PREX2: variants seen among roughly 807,000 people sequenced by gnomAD.
PREX2 encodes phosphatidylinositol 3,4,5-trisphosphate-dependent Rac exchanger 2 protein.
In PREX2, 107 loss-of-function variants were observed where a neutral mutation model predicts 203.2. The observed-to-expected ratio is 0.53, with a 90% CI of 0.45 to 0.62. The LOEUF (loss-of-function observed/expected upper bound fraction) is 0.62. Ranked by LOEUF, PREX2 falls within the 20% of genes least tolerant of loss-of-function variation. The pLI is 0.00. For synonymous variants in PREX2, 672 were observed against 663.6 expected (o/e 1.01, Z -0.19); for missense variants, 1,777 against 1,955.9 (o/e 0.91, Z 1.72).
intron 19 of PREX2, among the ~76,000 whole-genome samples, chr8:68,089,887 T>A (rs1809815788): frequency 6.6e-6 from 1 of 152,208 alleles, no homozygotes. Context: ...GATCACACTA[T>A]CAAATAACAA....
At chr8:68,014,025 T>C (rs2129610073) in intron 1 of PREX2, among the ~76,000 whole-genome samples, 1 of 152,316 alleles carries the variant, frequency 6.6e-6, no homozygotes, top group South Asian at 2.1e-4. Flanking sequence ...CAAAAATATG[T>C]TGAAAGAGAT....
At position 67,973,207 on chromosome 8, in the gene PREX2, A is replaced by G. The variant is rs562155365; in HGVS notation, c.141+20672A>G. Among the ~76,000 whole-genome samples, 180 of 152,290 alleles carry G rather than the reference A, an allele frequency of 1.2e-3. 2 individuals carry two copies. The highest frequency in any genetic ancestry group is 3.9e-3 in the African/African-American group (164 of 41,578). The stretch of plus-strand genomic sequence containing the variant: ...GTATGGGCAGACTGATATCCGTCCA[A>G]CAAACATTCTCAGATTAATCTTCCT... On this transcript the variant is annotated intron_variant, in intron 1 of 39. Transcript: ENST00000288368.
chr8:67,978,089 G>A (rs1428054589), intron 1 of PREX2, among the ~76,000 whole-genome samples: 1 of 152,106 alleles, frequency 6.6e-6, no homozygotes, highest in Non-Finnish European at 1.5e-5. Context: ...TCTGAAGTGG[G>A]GGTTAGTCTT....
At chr8:68,224,267 T>C (rs916466894) in intron 38 of PREX2, among the ~76,000 whole-genome samples, 5 of 152,140 alleles carry the variant, frequency 3.3e-5, no homozygotes, top group African/African-American at 1.2e-4. Context: ...CCCTTCCACG[T>C]TGGCCCCTCA....
intron 8 of PREX2, among the ~76,000 whole-genome samples, chr8:68,049,667 T>A (rs1808464589): frequency 6.6e-6 from 1 of 152,268 alleles, no homozygotes; most frequent in South Asian, 2.1e-4. Flanking sequence ...AGAATGGCAA[T>A]TTAAAACCTA....
chr8:68,034,887 A>T (rs891919738), intron 6 of PREX2, among the ~76,000 whole-genome samples: 2 of 152,038 alleles, frequency 1.3e-5, no homozygotes, highest in Non-Finnish European at 2.9e-5. Flanking sequence ...TTCATCTTCT[A>T]CCTTGAGATA....
At chr8:67,986,574 AT>A (rs1050918770) in intron 1 of PREX2, among the ~76,000 whole-genome samples, 1 of 152,140 alleles carries the variant, frequency 6.6e-6, no homozygotes, top group Admixed American at 6.6e-5. Flanking sequence ...TTTCATGGAG[AT>A]TTATCTCATT....
rs1585660136 is a variant in PREX2 at position 67,966,394 on chromosome 8, C to T, written c.141+13859C>T. On this transcript the variant is annotated intron_variant, in intron 1 of 39. Coordinates refer to ENST00000288368, the MANE Select transcript of PREX2 (RefSeq NM_024870.4). ...CTCCTCTATGATATTCTGTAATTTC[C>T]CTTAGTACTGAATATGTGTTAAGTA... Among the ~76,000 whole-genome samples, 4 of 151,708 alleles carry T rather than the reference C, an allele frequency of 2.6e-5. 1 individual carries two copies. In the South Asian group the frequency reaches 6.2e-4, roughly 24 times the overall value.
At chr8:67,953,610 G>A (rs748083788) in intron 1 of PREX2, among the ~76,000 whole-genome samples, 1 of 152,042 alleles carries the variant, frequency 6.6e-6, no homozygotes, top group Admixed American at 6.6e-5. Flanking sequence ...CCTGCTTAGT[G>A]TTCTGAAATC....
rs1585714841 is a variant in PREX2, at chr8:68,024,586, A to G, written c.441+2446A>G. Among the ~76,000 whole-genome samples the G allele has an allele frequency of 2.0e-5, 3 of 151,646 alleles. No individual in the cohort carries two copies. In the South Asian group the frequency reaches 6.3e-4, roughly 32 times the overall value. On this transcript the variant is annotated intron_variant, in intron 4 of 39. Transcript: ENST00000288368. The stretch of plus-strand genomic sequence containing the variant: ...TAGAAGATGGCATATTGTTGGGTCT[A>G]CTTTTTGTCCAGTCTGACAGTCTCT...
chr8:68,081,574 CAA>C (rs1809526984), intron 17 of PREX2, among the ~76,000 whole-genome samples: 1 of 152,198 alleles, frequency 6.6e-6, no homozygotes, highest in African/African-American at 2.4e-5. Context: ...TCCTTTCTGT[CAA>C]GAGCTGTGTC....
chr8:68,008,073 A>G (rs1374367061), intron 1 of PREX2, among the ~76,000 whole-genome samples: 1 of 152,204 alleles, frequency 6.6e-6, no homozygotes, highest in African/African-American at 2.4e-5. Flanking sequence ...TTTCAAATCC[A>G]GGCAGAGTGG....
intron 37 of PREX2, among the ~76,000 whole-genome samples, chr8:68,201,969 C>T (rs1304190381): frequency 1.4e-5 from 2 of 143,426 alleles, no homozygotes; most frequent in Admixed American, 7.2e-5. Context: ...TGCAGTGGCA[C>T]GATCTCAGCT....
chr8:68,083,716 T>C (rs1464205018), intron 18 of PREX2, among the ~76,000 whole-genome samples: 2 of 152,188 alleles, frequency 1.3e-5, no homozygotes, highest in Non-Finnish European at 2.9e-5. Flanking sequence ...TGTTTCTCCA[T>C]GTTCGGCTAT....
chr8:68,122,749 AT>A (rs1810803406), intron 30 of PREX2, among the ~76,000 whole-genome samples: 1 of 152,054 alleles, frequency 6.6e-6, no homozygotes, highest in Non-Finnish European at 1.5e-5. Flanking sequence ...TTCTGCGTTA[AT>A]TTTACTATTT....
intron 25 of PREX2, among the ~76,000 whole-genome samples, chr8:68,115,256 G>A (rs989920279): frequency 3.3e-5 from 5 of 152,168 alleles, no homozygotes; most frequent in African/African-American, 4.8e-5. Flanking sequence ...TCGAACTTCC[G>A]ACCTTAGGTG....
intron 37 of PREX2, among the ~76,000 whole-genome samples, chr8:68,209,312 C>T (rs1275608965): frequency 6.6e-6 from 1 of 152,072 alleles, no homozygotes; most frequent in Non-Finnish European, 1.5e-5. Flanking sequence ...TTACTAATAA[C>T]TTGTTTGCTA....
chr8:68,210,605 G>A (rs1812724032), intron 37 of PREX2, among the ~76,000 whole-genome samples: 1 of 152,170 alleles, frequency 6.6e-6, no homozygotes, highest in South Asian at 2.1e-4. Context: ...CAAAAGGGGT[G>A]TTACATCTCC....
chr8:68,017,256 C>G (rs1265506582), intron 1 of PREX2, among the ~76,000 whole-genome samples: 1 of 151,954 alleles, frequency 6.6e-6, no homozygotes, highest in African/African-American at 2.4e-5. Flanking sequence ...CGGACCTGAA[C>G]CCAGAAATTT....
Sources: allele counts gnomAD v4.1 joint callset (sites outside exome capture counted in the v4.1 genomes callset), GRCh38; gene constraint gnomAD v4.1.1; transcripts MANE v1.5; gene names NCBI Gene and HGNC (gene_info 2026-07-23, HGNC 2026-07-21).